ANTXR1: variants seen among roughly 807,000 people sequenced by gnomAD.
ANTXR1 encodes ANTXR cell adhesion molecule 1, also known as anthrax toxin receptor 1.
A neutral mutation model predicts 78.1 loss-of-function variants in ANTXR1; 19 were observed. The observed-to-expected ratio is 0.24, with a 90% confidence interval of 0.17 to 0.36. The LOEUF (loss-of-function observed/expected upper bound fraction) is 0.36. ANTXR1 is among the 10% of genes least tolerant of loss of function. ANTXR1 has a pLI of 1.00. For missense variants in ANTXR1, 518 were observed against 718.6 expected, an observed-to-expected ratio of 0.72 and a Z score of 3.19; for synonymous variants, 273 against 260.5, an observed-to-expected ratio of 1.05 and a Z score of -0.46.
At chr2:69,064,022 A>G (rs988443285) in intron 3 of ANTXR1, among the ~76,000 whole-genome samples, 4 of 152,120 alleles carry the variant, frequency 2.6e-5, no homozygotes, top group Non-Finnish European at 5.9e-5. Context: ...AGAAGTGACC[A>G]TTAGAAAGCA....
At chr2:69,136,169 T>C (rs931245346) in intron 12 of ANTXR1, among the ~76,000 whole-genome samples, 1 of 152,218 alleles carries the variant, frequency 6.6e-6, no homozygotes, top group Admixed American at 6.5e-5. Context: ...TGTCAGTCTG[T>C]ACTGTACCAA....
chr2:69,134,585 G>C (rs1672857964), intron 12 of ANTXR1, among the ~76,000 whole-genome samples: 1 of 152,166 alleles, frequency 6.6e-6, no homozygotes, highest in African/African-American at 2.4e-5. Context: ...ATGCTGCTGA[G>C]AGGCTGTGAC....
chr2:69,079,998 G>T (rs1007321013), intron 8 of ANTXR1, among the ~76,000 whole-genome samples: 9 of 152,184 alleles, frequency 5.9e-5, no homozygotes, highest in Non-Finnish European at 1.0e-4. Flanking sequence ...TAACTGCAAA[G>T]ATCTTTAAGA....
intron 13 of ANTXR1, among the ~76,000 whole-genome samples, chr2:69,154,427 G>T (rs894463439): frequency 6.6e-6 from 1 of 152,130 alleles, no homozygotes; most frequent in African/African-American, 2.4e-5. Flanking sequence ...TTGATGAGGG[G>T]TGATGCTCCA....
At chr2:69,137,585 G>A (rs568032610) in intron 12 of ANTXR1, among the ~76,000 whole-genome samples, 1 of 152,098 alleles carries the variant, frequency 6.6e-6, no homozygotes, top group Admixed American at 6.5e-5. Flanking sequence ...TGGGCAACAG[G>A]CTCTACAACA....
At chr2:69,077,544 T>C in intron 8 of ANTXR1, 56 bp downstream of exon 8, 2 of 1,550,404 alleles carry the variant, frequency 1.3e-6, no homozygotes, top group East Asian at 2.2e-5. Flanking sequence ...GTCTCTGATC[T>C]GCTATTAATA....
At chr2:69,073,817 A>G (rs868174101) in intron 6 of ANTXR1, among the ~76,000 whole-genome samples, 5 of 152,234 alleles carry the variant, frequency 3.3e-5, no homozygotes, top group Non-Finnish European at 5.9e-5. Context: ...CAAGTTAACC[A>G]TAGAAATGTA....
chr2:69,021,129 T>C lies in ANTXR1; in HGVS notation c.152+7478T>C, dbSNP rs1381782281. ...TGAACCCTTGCTACCTGCCAGACGC[T>C]ATAGTAAACACTTTGCCTGTATGAC... On this transcript the variant is annotated intron_variant, in intron 1 of 17. Transcript: ENST00000303714. Among the ~76,000 whole-genome samples, 7 of 152,274 alleles carry C rather than the reference T, an allele frequency of 4.6e-5. No homozygotes were observed. In the East Asian group the frequency reaches 1.4e-3, roughly 29 times the overall value.
intron 12 of ANTXR1, among the ~76,000 whole-genome samples, chr2:69,148,076 T>C (rs1376553104): frequency 6.6e-6 from 1 of 152,190 alleles, no homozygotes. Flanking sequence ...CTCCAGTCCA[T>C]ACTCTCCAGT....
chr2:69,243,144 A>T (rs1487513692), intron 17 of ANTXR1, among the ~76,000 whole-genome samples: 1 of 152,192 alleles, frequency 6.6e-6, no homozygotes, highest in Non-Finnish European at 1.5e-5. Flanking sequence ...CTTCCTCACC[A>T]AGATGCCCTC....
chr2:69,090,761 C>G lies in ANTXR1; in HGVS notation c.643-98C>G. On this transcript the variant is annotated intron_variant, in intron 8 of 17. Transcript: ENST00000303714. ...CCCACCGCAACCAAATGTCCTTGAACCTTCCTATCTCTATCTCAGTAGCTA... is the reference window on the plus strand; with the variant it reads ...CCCACCGCAACCAAATGTCCTTGAAGCTTCCTATCTCTATCTCAGTAGCTA... 3.2e-6 allele frequency: 4 copies of G among 1,247,872 alleles called. No homozygotes were observed. The South Asian group carries it at 4.9e-5, about 15-fold the overall frequency. 77.3% of individuals were successfully genotyped at this position (1,247,872 alleles called of 1,614,324 possible).
intron 3 of ANTXR1, among the ~76,000 whole-genome samples, chr2:69,058,670 A>T (rs937882501): frequency 6.6e-6 from 1 of 152,204 alleles, no homozygotes; most frequent in African/African-American, 2.4e-5. Flanking sequence ...TCTGTAGCCC[A>T]TGGATCAGGG....
Position 69,165,021 on chromosome 2 carries a change from A to G in ANTXR1, c.1048-5227A>G, listed in dbSNP as rs185995642. The stretch of plus-strand genomic sequence containing the variant: ...GGAAATAAGCTAATTCACAGTTCTC[A>G]AAGTGTGGTCCCTAGACCAGCAGGT... On this transcript the variant is annotated intron_variant, in intron 13 of 17. Coordinates refer to ENST00000303714, the MANE Select transcript of ANTXR1 (RefSeq NM_032208.3). 4.6e-5 allele frequency among the ~76,000 whole-genome samples: 7 copies of G among 152,362 alleles called. No individual in the cohort carries two copies. The South Asian group carries it at 6.2e-4, about 14-fold the overall frequency.
At chr2:69,147,467 G>A (rs919930235) in intron 12 of ANTXR1, among the ~76,000 whole-genome samples, 1 of 152,144 alleles carries the variant, frequency 6.6e-6, no homozygotes, top group Non-Finnish European at 1.5e-5. Flanking sequence ...CTCCCTCTCT[G>A]ACTTTCCTCT....
intron 13 of ANTXR1, among the ~76,000 whole-genome samples, chr2:69,154,671 A>G (rs142332616): frequency 5.3e-4 from 80 of 152,318 alleles, no homozygotes; most frequent in African/African-American, 1.8e-3. Flanking sequence ...AATGCCCCTC[A>G]ACCTACTAGC....
chr2:69,139,971 T>G (rs1389527856), intron 12 of ANTXR1, among the ~76,000 whole-genome samples: 1 of 152,210 alleles, frequency 6.6e-6, no homozygotes, highest in Non-Finnish European at 1.5e-5. Context: ...AGAACTAAAG[T>G]ACTCCAAGTA....
At chr2:69,025,419 A>G (rs546528659) in intron 1 of ANTXR1, among the ~76,000 whole-genome samples, 140 of 152,240 alleles carry the variant, frequency 9.2e-4, no homozygotes, top group African/African-American at 3.2e-3. Flanking sequence ...TCATCCAGTG[A>G]CCTGACCTGT....
chr2:69,198,002 A>G (rs1674701646), intron 17 of ANTXR1, among the ~76,000 whole-genome samples: 1 of 152,218 alleles, frequency 6.6e-6, no homozygotes, highest in African/African-American at 2.4e-5. Flanking sequence ...TGACCATGTC[A>G]TATTACATTG....
At position 69,219,577 on chromosome 2, in the gene ANTXR1, T is replaced by A. The variant is rs534726768; in HGVS notation, c.1435-25648T>A. ...CTGAGTTGTATTGAGTCCTTCACCA[T>A]GAGCCAGGCACTATATTATATGCTA... is the stretch of plus-strand genomic sequence containing the variant. On this transcript the variant is annotated intron_variant, in intron 17 of 17. Coordinates refer to ENST00000303714, the MANE Select transcript of ANTXR1 (RefSeq NM_032208.3). 2.6e-5 allele frequency among the ~76,000 whole-genome samples: 4 copies of A among 152,346 alleles called. No homozygotes were observed. In the South Asian group the frequency reaches 8.3e-4, roughly 32 times the overall value.
Sources: gnomAD v4.1 joint callset for allele counts (sites outside exome capture counted in the v4.1 genomes callset) on GRCh38, gnomAD v4.1.1 for gene constraint, MANE v1.5 for transcripts, NCBI Gene and HGNC (gene_info 2026-07-23, HGNC 2026-07-21) for gene names.